SIN3A: variants seen among roughly 807,000 people sequenced by gnomAD.
The protein encoded by SIN3A is paired amphipathic helix protein Sin3a.
In SIN3A, 14 loss-of-function variants were observed where a neutral mutation model predicts 146.1. The ratio of observed to expected loss-of-function variants is 0.10; its 90% confidence interval spans 0.06 to 0.15. The LOEUF (loss-of-function observed/expected upper bound fraction) is 0.15, where lower values mean the gene tolerates loss of function less well. SIN3A is among the 10% of genes least tolerant of loss of function. SIN3A has a pLI of 1.00. For synonymous variants in SIN3A, 572 were observed against 572.0 expected (o/e 1.00, Z 0.00); for missense variants, 1,028 against 1,576.0 (o/e 0.65, Z 5.89).
chr15:75,374,350 C>A (rs2072814062), intron 20 of SIN3A, among the ~76,000 whole-genome samples: 1 of 152,168 alleles, frequency 6.6e-6, no homozygotes, highest in Non-Finnish European at 1.5e-5. Context: ...AAAAAATCAG[C>A]CAGGCATGGT....
chr15:75,416,005 TAG>T, intron 3 of SIN3A: 1 of 330,970 alleles, frequency 3.0e-6, no homozygotes, highest in African/African-American at 2.2e-5. Context: ...CTGAAGGTGC[TAG>T]AGATGCCAAG....
intron 4 of SIN3A, among the ~76,000 whole-genome samples, chr15:75,413,310 G>A (rs182317392): frequency 6.7e-6 from 1 of 149,968 alleles, no homozygotes; most frequent in Admixed American, 6.6e-5. Flanking sequence ...TAGGACAGGT[G>A]GGGTTTCACC....
At position 75,378,784 on chromosome 15, in the gene SIN3A, C is replaced by T. The variant is rs1434200890; in HGVS notation, c.3383+1845G>A. Among the ~76,000 whole-genome samples the T allele has an allele frequency of 7.2e-5, 11 of 152,008 alleles. No homozygotes were observed. In the East Asian group the frequency reaches 2.1e-3, roughly 29 times the overall value. On this transcript the variant is annotated intron_variant, in intron 19 of 20. Coordinates refer to ENST00000394947, the MANE Select transcript of SIN3A (RefSeq NM_001145358.2). ...CCAGCTGTTCTTCTGGTAAGCCAGACACTAAACAAATTTATAAAATATAAG... is the reference window on the plus strand; with the variant it reads ...CCAGCTGTTCTTCTGGTAAGCCAGATACTAAACAAATTTATAAAATATAAG...
rs1381415595 is a variant in SIN3A, at chr15:75,430,414, GAAACCA to G, written c.-33-12_-33-7del. ...TCAGGGATGCACTACAAAACCTGCA[GAAACCA>G]AAAGCAATAGCATGCAAGTCAATTC... On this transcript the variant is annotated splice_region_variant and splice_polypyrimidine_tract_variant and intron_variant, in intron 1 of 20. Transcript: ENST00000394947. 48 of 1,561,666 alleles carry G rather than the reference GAAACCA, an allele frequency of 3.1e-5. No individual in the cohort carries two copies. The highest frequency in any genetic ancestry group is 3.9e-5 in the Non-Finnish European group (45 of 1,154,922).
At position 75,427,889 on chromosome 15, in the gene SIN3A, T is replaced by G. The variant is rs545993259; in HGVS notation, c.189+2298A>C. Among the ~76,000 whole-genome samples, 38 of 151,954 alleles carry G rather than the reference T, an allele frequency of 2.5e-4. No homozygotes were observed. The South Asian group carries it at 7.9e-3, about 32-fold the overall frequency. On this transcript the variant is annotated intron_variant, in intron 2 of 20. Coordinates refer to ENST00000394947, the MANE Select transcript of SIN3A (RefSeq NM_001145358.2). ...GGGAGGCTGAGGCAGGAGAATCACT[T>G]GAGCCCGGGAGGCAGAGGTTGCAGT...
At position 75,400,681 on chromosome 15, in the gene SIN3A, T is replaced by C. The variant is rs373941061; in HGVS notation, c.1737+49A>G. On this transcript the variant is annotated intron_variant, in intron 11 of 20. Transcript: ENST00000394947. ...AATCCTTGGTACCACCACTCCCTTC[T>C]GGAAAAAGCTGAGGACCCAGGGCTG... 68 of 1,410,382 alleles carry C rather than the reference T, an allele frequency of 4.8e-5. No individual in the cohort carries two copies. In the African/African-American group the frequency reaches 9.3e-4, roughly 19 times the overall value. 87.4% of individuals were successfully genotyped at this position (1,410,382 alleles called of 1,614,324 possible).
At chr15:75,398,520 CA>C (rs1293640385) in intron 12 of SIN3A, among the ~76,000 whole-genome samples, 3 of 147,720 alleles carry the variant, frequency 2.0e-5, no homozygotes, top group African/African-American at 7.4e-5. Context: ...ACTAAAAATA[CA>C]AAAAAAATTA....
At chr15:75,450,750 C>T (rs1256740367) in intron 1 of SIN3A, among the ~76,000 whole-genome samples, 2 of 152,204 alleles carry the variant, frequency 1.3e-5, no homozygotes, top group African/African-American at 4.8e-5. Flanking sequence ...TCGGCGGGTG[C>T]CCCTCCCTCC....
intron 18 of SIN3A, 26 bp from the exon 19 acceptor site, chr15:75,380,749 G>A (rs1435648195): frequency 1.3e-6 from 2 of 1,566,356 alleles, no homozygotes; most frequent in East Asian, 2.2e-5. Flanking sequence ...CAAAATACAG[G>A]TGGAAGGAAA....
chr15:75,449,689 G>A (rs181666770), intron 1 of SIN3A, among the ~76,000 whole-genome samples: 58 of 152,312 alleles, frequency 3.8e-4, no homozygotes, highest in Non-Finnish European at 7.1e-4. Flanking sequence ...ATAGAAAGTG[G>A]TCTAGATGGT....
upstream of SIN3A, among the ~76,000 whole-genome samples, chr15:75,452,577 C>G (rs1038584526): frequency 2.0e-5 from 3 of 152,234 alleles, no homozygotes; most frequent in African/African-American, 7.2e-5. Context: ...GAACTAAGGT[C>G]TGGAGACCTA....
chr15:75,396,243 C>G lies in SIN3A; in HGVS notation c.2093+15G>C, dbSNP rs745348817. 1 of 1,571,836 alleles carries G rather than the reference C, an allele frequency of 6.4e-7. No individual in the cohort carries two copies. Among genetic ancestry groups the G allele is most frequent in the Admixed American group, 1.7e-5 (1 of 59,736 alleles). ...GAAGTACACTAAAGCACTAAGGGCA[C>G]ATTTGCTCATGTACCTTTTAAGGAC... On this transcript the variant is annotated intron_variant, in intron 13 of 20. Transcript: ENST00000394947.
At chr15:75,417,473 T>A (rs1176968453) in intron 3 of SIN3A, among the ~76,000 whole-genome samples, 3 of 151,858 alleles carry the variant, frequency 2.0e-5, no homozygotes. Flanking sequence ...CCTCCTGGGT[T>A]CAAGTGATAT....
At chr15:75,406,707 C>T (rs183706994) in intron 9 of SIN3A, among the ~76,000 whole-genome samples, 133 of 152,306 alleles carry the variant, frequency 8.7e-4, no homozygotes, top group Non-Finnish European at 1.7e-3. Context: ...GATTACAAGT[C>T]ATCTTAAATC....
At chr15:75,390,745 T>C (rs984184147) in intron 15 of SIN3A, among the ~76,000 whole-genome samples, 17 of 152,192 alleles carry the variant, frequency 1.1e-4, no homozygotes, top group African/African-American at 3.9e-4. Context: ...CCGTACCTTA[T>C]ATGTATTTTT....
intron 1 of SIN3A, among the ~76,000 whole-genome samples, chr15:75,450,531 T>C (rs2074384584): frequency 6.6e-6 from 1 of 152,158 alleles, no homozygotes; most frequent in Admixed American, 6.5e-5. Context: ...CGCACGCTCC[T>C]ACAAGAGGAC....
chr15:75,403,543 TTC>T (rs1476419428), intron 9 of SIN3A, among the ~76,000 whole-genome samples: 1 of 151,746 alleles, frequency 6.6e-6, no homozygotes, highest in Non-Finnish European at 1.5e-5. Flanking sequence ...TTGCCTCTTT[TTC>T]TTTTTTTTTT....
At chr15:75,372,279 C>T in intron 20 of SIN3A, 70 bp from the exon 21 acceptor site, 1 of 1,033,678 alleles carries the variant, frequency 9.7e-7, no homozygotes, top group Non-Finnish European at 1.4e-6. Context: ...AATACAAAGC[C>T]TAATTTTCTT....
At chr15:75,386,178 A>C (rs1366405768) in intron 16 of SIN3A, among the ~76,000 whole-genome samples, 1 of 152,192 alleles carries the variant, frequency 6.6e-6, no homozygotes, top group Non-Finnish European at 1.5e-5. Context: ...GGCATGTGCC[A>C]CCACGCCCAG....
Sources: allele counts gnomAD v4.1 joint callset (sites outside exome capture counted in the v4.1 genomes callset), GRCh38; gene constraint gnomAD v4.1.1; transcripts MANE v1.5; gene names NCBI Gene and HGNC (gene_info 2026-07-23, HGNC 2026-07-21).